PGAP1: variants seen among roughly 807,000 people sequenced by gnomAD.
PGAP1 encodes the protein post-GPI attachment to proteins inositol deacylase 1, also known as GPI inositol-deacylase.
In PGAP1, 76 loss-of-function variants were observed where a neutral mutation model predicts 127.0. The ratio of observed to expected loss-of-function variants is 0.60; its 90% CI spans 0.50 to 0.72. PGAP1 has a LOEUF of 0.72. Ranked by LOEUF, PGAP1 falls within the 30% of genes least tolerant of loss-of-function variation. The probability of loss-of-function intolerance (pLI) is 0.00; values close to 1 mark genes in which losing one functional copy is unlikely to be tolerated. For missense variants in PGAP1, 982 were observed against 1,071.3 expected (o/e 0.92, Z 1.16); for synonymous variants, 362 against 366.5 (o/e 0.99, Z 0.14).
rs867710035 is a variant in PGAP1 at position 196,854,687 on chromosome 2, C to T, written c.1862-6650G>A. On this transcript the variant is annotated intron_variant, in intron 20 of 26. Transcript: ENST00000354764. ...GACTATGATAAGTTTCTGTCATCCA[C>T]AGTTATTGTTTTAAATTCTTCTCCA... 8.5e-5 allele frequency among the ~76,000 whole-genome samples: 13 copies of T among 152,304 alleles called. No homozygotes were observed. The South Asian group carries it at 1.0e-3, about 12-fold the overall frequency.
chr2:196,834,810 A>C lies in PGAP1; in HGVS notation c.*6424T>G, dbSNP rs1700194295. On this transcript the variant is annotated 3_prime_UTR_variant, in exon 27 of 27. Transcript: ENST00000354764. ...TCTCCTACTTAGAATACAATTATTC[A>C]ACACAAAAGATGAACTCATTTCAAA... The C allele has an allele frequency of 6.6e-6, 1 of 152,006 alleles. No homozygotes were observed. Among genetic ancestry groups the C allele is most frequent in the Admixed American group, 6.5e-5 (1 of 15,272 alleles). The allele number at this position is 152,006 out of a possible 1,614,324, so 9.4% of individuals were successfully genotyped here.
At chr2:196,878,755 C>T (rs1483616233) in intron 13 of PGAP1, among the ~76,000 whole-genome samples, 2 of 152,194 alleles carry the variant, frequency 1.3e-5, no homozygotes, top group East Asian at 1.9e-4. Flanking sequence ...TTTTCCTCCA[C>T]TACTATTCAA....
At chr2:196,850,677 A>T (rs1328502054) in intron 20 of PGAP1, among the ~76,000 whole-genome samples, 1 of 151,566 alleles carries the variant, frequency 6.6e-6, no homozygotes, top group Non-Finnish European at 1.5e-5. Context: ...CAACAGATGG[A>T]CGGTCAGAAG....
rs1374271563 is a variant in PGAP1, at chr2:196,902,573, A to T, written c.807+12T>A. ...ACATTACTATTTCAATAGAATCTTA[A>T]AAAAAGATTACCACAACAGATAAGG... On this transcript the variant is annotated intron_variant, in intron 5 of 26. Coordinates refer to ENST00000354764, the MANE Select transcript of PGAP1 (RefSeq NM_024989.4). 6.3e-7 allele frequency: 1 copy of T among 1,588,408 alleles called. No individual in the cohort carries two copies. Among genetic ancestry groups the T allele is most frequent in the South Asian group, 1.1e-5 (1 of 87,018 alleles).
rs552249624 is a variant in PGAP1 at position 196,846,983 on chromosome 2, G to A, written c.2150+20C>T. The A allele has an allele frequency of 1.3e-6, 2 of 1,580,310 alleles. No individual in the cohort carries two copies. The highest frequency in any genetic ancestry group is 1.7e-6 in the Non-Finnish European group (2 of 1,155,756). On this transcript the variant is annotated intron_variant, in intron 22 of 26. Coordinates refer to ENST00000354764, the MANE Select transcript of PGAP1 (RefSeq NM_024989.4). ...TTCTTCTTAAAGCAATAAGAAAGCTGTTAATCATTCATTCTTTACCTTTTC... is the reference window on the plus strand; with the variant it reads ...TTCTTCTTAAAGCAATAAGAAAGCTATTAATCATTCATTCTTTACCTTTTC...
rs568207815 is a variant in PGAP1 at position 196,838,989 on chromosome 2, A to G, written c.*2245T>C. The G allele has an allele frequency of 1.3e-5, 2 of 152,770 alleles. No individual in the cohort carries two copies. Among genetic ancestry groups the G allele is most frequent in the South Asian group, 4.1e-4 (2 of 4,838 alleles). The allele number at this position is 152,770 out of a possible 1,614,324, so 9.5% of individuals were successfully genotyped here. ...CACCTGGGAGGTGGAGGTTGCAGTG[A>G]GCTGAAATCGCGCCACTGCACTCCA... On this transcript the variant is annotated 3_prime_UTR_variant, in exon 27 of 27. Transcript: ENST00000354764.
chr2:196,857,897 A>T (rs1700936411), intron 20 of PGAP1, among the ~76,000 whole-genome samples: 1 of 152,150 alleles, frequency 6.6e-6, no homozygotes, highest in South Asian at 2.1e-4. Flanking sequence ...TTTTTCCTTC[A>T]GCATCCTTTG....
intron 20 of PGAP1, among the ~76,000 whole-genome samples, chr2:196,849,653 A>T (rs1388086483): frequency 1.3e-5 from 2 of 152,144 alleles, no homozygotes; most frequent in African/African-American, 4.8e-5. Context: ...ATATAGGTTA[A>T]ATCAGGTTAA....
At chr2:196,850,490 C>T (rs182723042) in intron 20 of PGAP1, among the ~76,000 whole-genome samples, 2 of 152,188 alleles carry the variant, frequency 1.3e-5, no homozygotes, top group East Asian at 3.9e-4. Context: ...ATGGAGAAAA[C>T]AAGTGAGGAA....
intron 23 of PGAP1, among the ~76,000 whole-genome samples, 198 bp downstream of exon 23, chr2:196,845,684 A>AC (rs1177276696): frequency 2.0e-5 from 3 of 152,022 alleles, no homozygotes; most frequent in African/African-American, 7.2e-5. Flanking sequence ...CAACAAAAAA[A>AC]CCCCAACTTA....
At position 196,835,571 on chromosome 2, in the gene PGAP1, G is replaced by T. The variant is rs1426157492; in HGVS notation, c.*5663C>A. ...TTGAATATTTTCAAAGAAAAATTAG[G>T]GTATGAAATATAAGTTTTCATGGTT... On this transcript the variant is annotated 3_prime_UTR_variant, in exon 27 of 27. Coordinates refer to ENST00000354764, the MANE Select transcript of PGAP1 (RefSeq NM_024989.4). 1 of 152,196 alleles carries T rather than the reference G, an allele frequency of 6.6e-6. No individual in the cohort carries two copies. The highest frequency in any genetic ancestry group is 1.5e-5 in the Non-Finnish European group (1 of 67,836). 9.4% of individuals were successfully genotyped at this position (152,196 alleles called of 1,614,324 possible). A position where few individuals can be genotyped will look rare whatever the true frequency, so the allele number is the denominator to read the frequency against.
At position 196,835,936 on chromosome 2, in the gene PGAP1, A is replaced by G. The variant is rs1463582584; in HGVS notation, c.*5298T>C. 1.3e-5 allele frequency: 2 copies of G among 152,076 alleles called. No individual in the cohort carries two copies. Among genetic ancestry groups the G allele is most frequent in the Non-Finnish European group, 2.9e-5 (2 of 67,914 alleles). The allele number at this position is 152,076 out of a possible 1,614,324, so 9.4% of individuals were successfully genotyped here. A position where few individuals can be genotyped will look rare whatever the true frequency, so the allele number is the denominator to read the frequency against. ...TAATAGCTCTACGTGTTATCTATAA[A>G]CATTTTTTACTAGTAACATCACTAT... On this transcript the variant is annotated 3_prime_UTR_variant, in exon 27 of 27. Transcript: ENST00000354764.
chr2:196,865,137 T>A, intron 19 of PGAP1, 57 bp from the exon 20 acceptor site: 1 of 969,154 alleles, frequency 1.0e-6, no homozygotes, highest in South Asian at 1.7e-5. Context: ...ATAAGTGTAC[T>A]TTCACATAAA....
chr2:196,903,044 C>A (rs1249763283), intron 4 of PGAP1, among the ~76,000 whole-genome samples: 1 of 151,854 alleles, frequency 6.6e-6, no homozygotes, highest in Non-Finnish European at 1.5e-5. Flanking sequence ...AAGGATGATG[C>A]TTATTTATGA....
At chr2:196,897,499 T>C (rs878995587) in intron 6 of PGAP1, among the ~76,000 whole-genome samples, 5 of 152,144 alleles carry the variant, frequency 3.3e-5, no homozygotes, top group Admixed American at 2.0e-4. Flanking sequence ...ATGCCTGAAG[T>C]ATGTCATTCT....
At chr2:196,917,739 C>A (rs1312817380) in intron 2 of PGAP1, among the ~76,000 whole-genome samples, 4 of 152,042 alleles carry the variant, frequency 2.6e-5, no homozygotes, top group Admixed American at 2.6e-4. Context: ...ATCTATTTAT[C>A]AGCTGATGGT....
Position 196,841,271 on chromosome 2 carries a change from A to C in PGAP1, c.2732T>G (p.Ile911Ser). 6.2e-7 allele frequency: 1 copy of C among 1,613,928 alleles called. No homozygotes were observed. The highest frequency in any genetic ancestry group is 8.5e-7 in the Non-Finnish European group (1 of 1,179,914). Residue 911 changes from isoleucine (I) to serine (S), a missense_variant, in exon 27 of 27, where the codon ATT becomes AGT. Transcript: ENST00000354764. ...HLYRLPCFVF[I>S]PLLLHALCNF... The stretch of plus-strand genomic sequence containing the variant: ...GCATAATGCATGGAGTAAAAGAGGA[A>C]TGAAGACAAAGCATGGAAGCCTATA...
chr2:196,899,654 G>A (rs1702410112), intron 5 of PGAP1, among the ~76,000 whole-genome samples: 1 of 152,234 alleles, frequency 6.6e-6, no homozygotes, highest in African/African-American at 2.4e-5. Flanking sequence ...CATGATTGTT[G>A]TGTTGAAAAC....
At chr2:196,883,431 C>T (rs891149562) in intron 12 of PGAP1, among the ~76,000 whole-genome samples, 3 of 152,178 alleles carry the variant, frequency 2.0e-5, no homozygotes, top group African/African-American at 7.2e-5. Context: ...CTGTGACAGA[C>T]TCATATGTTC....
Sources: allele counts gnomAD v4.1 joint callset (sites outside exome capture counted in the v4.1 genomes callset), GRCh38; gene constraint gnomAD v4.1.1; transcripts MANE v1.5; gene names NCBI Gene and HGNC (gene_info 2026-07-23, HGNC 2026-07-21).